Variants in RCBTB2 observed in about 807,000 individuals in gnomAD.
The protein encoded by RCBTB2 is RCC1 and BTB domain-containing protein 2.
Under a neutral mutation model 65.4 loss-of-function variants are expected in RCBTB2, and 55 were observed. The observed-to-expected ratio is 0.84, with a 90% CI of 0.68 to 1.05. RCBTB2 has a LOEUF of 1.05. RCBTB2 is among the 50% of genes least tolerant of loss of function. RCBTB2 has a pLI of 0.00. For missense variants in RCBTB2, 599 were observed against 680.1 expected (o/e 0.88, Z 1.33); for synonymous variants, 220 against 255.2 (o/e 0.86, Z 1.31).
At chr13:48,493,257 ACACTC>A (rs1346439886) in intron 14 of RCBTB2, among the ~76,000 whole-genome samples, 2 of 142,438 alleles carry the variant, frequency 1.4e-5, no homozygotes, top group Non-Finnish European at 3.0e-5. Flanking sequence ...ACACACACAC[ACACTC>A]TTCTCTCTCT....
intron 1 of RCBTB2, among the ~76,000 whole-genome samples, chr13:48,527,361 TTATATATGATATA>T (rs1555310704): frequency 4.4e-5 from 5 of 112,430 alleles, no homozygotes; most frequent in East Asian, 4.6e-4. Context: ...TGATATATAT[TTATATATGATATA>T]TATATATGAT....
At chr13:48,498,616 G>A (rs1566264544) in intron 13 of RCBTB2, among the ~76,000 whole-genome samples, 1 of 152,150 alleles carries the variant, frequency 6.6e-6, no homozygotes, top group Non-Finnish European at 1.5e-5. Flanking sequence ...TGTAATCCCA[G>A]CTACTCGAGA....
intron 10 of RCBTB2, 21 bp from the exon 11 acceptor site, chr13:48,502,935 C>T (rs374054544): frequency 1.5e-5 from 24 of 1,555,236 alleles, no homozygotes; most frequent in South Asian, 2.3e-5. Context: ...AAACACACAC[C>T]ACATAAGCAC....
rs986038801 is a variant in RCBTB2 at position 48,518,854 on chromosome 13, T to C, written c.42+3044A>G. Among the ~76,000 whole-genome samples the C allele has an allele frequency of 4.3e-4, 66 of 152,204 alleles. 1 individual carries two copies. The highest frequency in any genetic ancestry group is 1.5e-4 in the Non-Finnish European group (10 of 68,032). ...TAAATTACCCCACCACCCAATATCATGAAGAAATCTTATTTTCTATGAGGC... is the reference window on the plus strand; with the variant it reads ...TAAATTACCCCACCACCCAATATCACGAAGAAATCTTATTTTCTATGAGGC... On this transcript the variant is annotated intron_variant, in intron 4 of 14. Coordinates refer to ENST00000344532, the MANE Select transcript of RCBTB2 (RefSeq NM_001268.4).
chr13:48,496,046 C>A, intron 14 of RCBTB2, 145 bp downstream of exon 14: 1 of 617,110 alleles, frequency 1.6e-6, no homozygotes, highest in Admixed American at 4.3e-5. Flanking sequence ...CTTGCTTATA[C>A]GTTGTCTAGT....
chr13:48,523,451 A>G (rs9331963), intron 2 of RCBTB2, among the ~76,000 whole-genome samples: 1,670 of 152,294 alleles, frequency 0.011, 22 homozygotes, highest in African/African-American at 0.039. Context: ...CGATTCCTTC[A>G]TTGCTATAAC....
Position 48,512,087 on chromosome 13 carries a change from G to C in RCBTB2, c.604C>G (p.Leu202Val). The change falls in exon 8 of 15, where the codon CTA (leucine) becomes GTA (valine). Residue 202 changes from leucine to valine, a missense_variant. Leu to Val is a conservative substitution (Grantham distance 32). Coordinates refer to ENST00000344532, the MANE Select transcript of RCBTB2 (RefSeq NM_001268.4). Reference protein sequence around the residue: ...QPIPRRVTGCLQNKVVVTIAC... With the variant: ...QPIPRRVTGCVQNKVVVTIAC... ...ATGGTCACAACTACTTTATTTTGTA[G>C]GCAGCCAGTGACTCTTCGAGGGATT... 1.9e-6 allele frequency: 3 copies of C among 1,614,244 alleles called. No homozygotes were observed. Among genetic ancestry groups the C allele is most frequent in the Non-Finnish European group, 2.5e-6 (3 of 1,180,038 alleles).
chr13:48,505,880 G>A (rs184632603), intron 10 of RCBTB2, among the ~76,000 whole-genome samples: 321 of 152,304 alleles, frequency 2.1e-3, no homozygotes, highest in Middle Eastern at 0.014. Context: ...TTCCTTCCGT[G>A]ACTAAAAGTG....
At chr13:48,495,953 A>G (rs1949946520) in intron 14 of RCBTB2, among the ~76,000 whole-genome samples, 1 of 151,184 alleles carries the variant, frequency 6.6e-6, no homozygotes, top group African/African-American at 2.5e-5. Flanking sequence ...TTAAGTGGAT[A>G]AAAGTTTCTT....
At chr13:48,493,315 A>ACCCTCTCT (rs759504798) in intron 14 of RCBTB2, among the ~76,000 whole-genome samples, 2 of 75,082 alleles carry the variant, frequency 2.7e-5, no homozygotes, top group Non-Finnish European at 5.0e-5. Context: ...ACACACACAC[A>ACCCTCTCT]CTCTCTCTCT....
At chr13:48,497,769 T>G (rs1282652143) in intron 13 of RCBTB2, among the ~76,000 whole-genome samples, 1 of 152,238 alleles carries the variant, frequency 6.6e-6, no homozygotes, top group Non-Finnish European at 1.5e-5. Flanking sequence ...ACTTGCTTTT[T>G]TAATAACAAA....
intron 6 of RCBTB2, among the ~76,000 whole-genome samples, chr13:48,513,339 T>A (rs977973042): frequency 1.3e-5 from 2 of 152,160 alleles, no homozygotes; most frequent in African/African-American, 4.8e-5. Flanking sequence ...ATATGTACAG[T>A]TTTACAAATT....
Position 48,490,109 on chromosome 13 carries a change from G to T in RCBTB2, c.*2C>A. 1.2e-6 allele frequency: 2 copies of T among 1,613,954 alleles called. No homozygotes were observed. Among genetic ancestry groups the T allele is most frequent in the African/African-American group, 1.3e-5 (1 of 75,030 alleles). On this transcript the variant is annotated 3_prime_UTR_variant, in exon 15 of 15. Coordinates refer to ENST00000344532, the MANE Select transcript of RCBTB2 (RefSeq NM_001268.4). ...GGCTCAAAAACTTTCCTGCAGATGG[G>T]ATCAATTTTTAAAGGCTCCAACTCT...
At chr13:48,493,313 A>ACCCTCTCTCTCT (rs1213235186) in intron 14 of RCBTB2, among the ~76,000 whole-genome samples, 2 of 60,060 alleles carry the variant, frequency 3.3e-5, no homozygotes, top group South Asian at 6.5e-4. Flanking sequence ...ACACACACAC[A>ACCCTCTCTCTCT]CACTCTCTCT....
chr13:48,499,607 T>G lies in RCBTB2; in HGVS notation c.1384+14A>C. Reference sequence around the variant, plus strand: ...CAACATTTTGCCAAGTTTTTGGAAGTCTTTGGCAATTACCTACTGCCTCCT... The same window carrying G: ...CAACATTTTGCCAAGTTTTTGGAAGGCTTTGGCAATTACCTACTGCCTCCT... On this transcript the variant is annotated intron_variant, in intron 13 of 14. Transcript: ENST00000344532. The G allele has an allele frequency of 6.2e-7, 1 of 1,612,598 alleles. No individual in the cohort carries two copies. Among genetic ancestry groups the G allele is most frequent in the Admixed American group, 1.7e-5 (1 of 59,676 alleles).
intron 1 of RCBTB2, among the ~76,000 whole-genome samples, chr13:48,527,339 T>TATC (rs1555310651): frequency 1.7e-5 from 2 of 118,072 alleles, no homozygotes; most frequent in African/African-American, 1.2e-4. Flanking sequence ...ATATATATGA[T>TATC]ATATATATAT....
At chr13:48,499,824 G>T in intron 12 of RCBTB2, 64 bp from the exon 13 acceptor site, 1 of 1,588,958 alleles carries the variant, frequency 6.3e-7, no homozygotes, top group South Asian at 1.1e-5. Flanking sequence ...CCTCTGTGAG[G>T]ACCACGTTCT....
intron 4 of RCBTB2, among the ~76,000 whole-genome samples, chr13:48,518,949 C>A (rs1410859215): frequency 6.6e-6 from 1 of 152,088 alleles, no homozygotes; most frequent in African/African-American, 2.4e-5. Flanking sequence ...GGAAGTGGAA[C>A]AAGTATTTAA....
chr13:48,500,629 AG>A (rs1449091163), intron 12 of RCBTB2, among the ~76,000 whole-genome samples: 1 of 152,190 alleles, frequency 6.6e-6, no homozygotes, highest in African/African-American at 2.4e-5. Flanking sequence ...TGCTGACTGG[AG>A]TTAAGCAGCC....
Sources: allele counts gnomAD v4.1 joint callset (sites outside exome capture counted in the v4.1 genomes callset), GRCh38; gene constraint gnomAD v4.1.1; transcripts MANE v1.5; gene names NCBI Gene and HGNC (gene_info 2026-07-23, HGNC 2026-07-21).